Variants in EAF2 observed in about 807,000 individuals in gnomAD.
The protein encoded by EAF2 is ELL-associated factor 2.
EAF2 carries 29 observed loss-of-function variants against 29.4 expected under a neutral mutation model. The ratio of observed to expected loss-of-function variants is 0.99; its 90% CI spans 0.73 to 1.35. The LOEUF is 1.35. Ranked by LOEUF, EAF2 falls within the 40% of genes most tolerant of loss-of-function variation. The pLI, the probability that EAF2 is intolerant of heterozygous loss-of-function variation, is 0.00. For synonymous variants in EAF2, 103 were observed against 102.5 expected (o/e 1.00, Z -0.03); for missense variants, 292 against 312.0 (o/e 0.94, Z 0.48).
chr3:121,873,563 C>T (rs1709052345), intron 5 of EAF2, among the ~76,000 whole-genome samples: 1 of 151,870 alleles, frequency 6.6e-6, no homozygotes, highest in South Asian at 2.1e-4. Flanking sequence ...ATTATGTACA[C>T]TGTAGCCATA....
intron 4 of EAF2, 50 bp from the exon 5 acceptor site, chr3:121,872,487 A>G (rs1403730977): frequency 7.4e-7 from 1 of 1,357,450 alleles, no homozygotes; most frequent in East Asian, 2.4e-5. Flanking sequence ...TATTATATTT[A>G]TTTAGCATTT....
intron 3 of EAF2, among the ~76,000 whole-genome samples, chr3:121,856,579 T>C (rs941671654): frequency 6.6e-6 from 1 of 152,184 alleles, no homozygotes; most frequent in Admixed American, 6.5e-5. Context: ...ACTCCTGGGC[T>C]CAAATGATCC....
intron 1 of EAF2, among the ~76,000 whole-genome samples, chr3:121,838,293 T>C (rs1229026045): frequency 6.6e-6 from 1 of 152,170 alleles, no homozygotes; most frequent in East Asian, 1.9e-4. Flanking sequence ...GTGGTAGGGT[T>C]TCCAAACCAA....
intron 2 of EAF2, among the ~76,000 whole-genome samples, chr3:121,845,849 C>T (rs765100803): frequency 1.1e-4 from 17 of 152,158 alleles, no homozygotes; most frequent in Admixed American, 3.3e-4. Flanking sequence ...ATCCAAGTAA[C>T]GGTACCAAAT....
chr3:121,871,427 A>G (rs1333550349), intron 4 of EAF2, among the ~76,000 whole-genome samples: 2 of 152,024 alleles, frequency 1.3e-5, no homozygotes, highest in African/African-American at 4.8e-5. Flanking sequence ...CTATATATTG[A>G]TCTCAGTGGT....
intron 3 of EAF2, 35 bp downstream of exon 3, chr3:121,854,858 CAT>C: frequency 6.8e-7 from 1 of 1,474,720 alleles, no homozygotes; most frequent in East Asian, 2.7e-5. Flanking sequence ...ATATTATAAA[CAT>C]AAATTTCTAA....
At chr3:121,841,412 G>A (rs1335188534) in intron 1 of EAF2, among the ~76,000 whole-genome samples, 1 of 150,526 alleles carries the variant, frequency 6.6e-6, no homozygotes, top group East Asian at 2.0e-4. Context: ...GGCTGAGGCG[G>A]GAGAATCACT....
rs555868002 is a variant in EAF2, at chr3:121,873,571, A to G, written c.736+783A>G. ...TTGATCCATTATGTACACTGTAGCC[A>G]TATTGATTTTTTTCACAATTCTAAT... On this transcript the variant is annotated intron_variant, in intron 5 of 5. Coordinates refer to ENST00000273668, the MANE Select transcript of EAF2 (RefSeq NM_018456.6). Among the ~76,000 whole-genome samples, 3 of 151,936 alleles carry G rather than the reference A, an allele frequency of 2.0e-5. No homozygotes were observed. In the East Asian group the frequency reaches 5.8e-4, roughly 29 times the overall value.
At chr3:121,849,211 A>G (rs1016045907) in intron 2 of EAF2, among the ~76,000 whole-genome samples, 1 of 152,200 alleles carries the variant, frequency 6.6e-6, no homozygotes, top group Admixed American at 6.5e-5. Flanking sequence ...TTAGAGTCAG[A>G]CCATAAAATA....
intron 4 of EAF2, among the ~76,000 whole-genome samples, chr3:121,867,789 T>G (rs925627628): frequency 6.6e-6 from 1 of 152,190 alleles, no homozygotes; most frequent in Non-Finnish European, 1.5e-5. Flanking sequence ...ATGTGATGAC[T>G]GAAACAAAAA....
At chr3:121,844,176 G>A (rs1481504351) in intron 1 of EAF2, among the ~76,000 whole-genome samples, 1 of 137,236 alleles carries the variant, frequency 7.3e-6, no homozygotes, top group Non-Finnish European at 1.6e-5. Context: ...AGTAGAACAT[G>A]TTAGTCAGGT....
At chr3:121,853,463 G>A (rs1488182064) in intron 2 of EAF2, among the ~76,000 whole-genome samples, 1 of 152,072 alleles carries the variant, frequency 6.6e-6, no homozygotes, top group African/African-American at 2.4e-5. Flanking sequence ...GTGTTGCCCA[G>A]GTTGGAGTGC....
intron 5 of EAF2, among the ~76,000 whole-genome samples, chr3:121,880,258 C>T (rs1317303862): frequency 1.3e-5 from 2 of 151,972 alleles, no homozygotes; most frequent in Non-Finnish European, 2.9e-5. Context: ...TCTTCCCTCC[C>T]CAGGCTCCCA....
chr3:121,846,484 T>C (rs1035366106), intron 2 of EAF2, among the ~76,000 whole-genome samples: 3 of 152,204 alleles, frequency 2.0e-5, no homozygotes, highest in African/African-American at 4.8e-5. Flanking sequence ...CTTTGCTTTA[T>C]GATGTTTATT....
intron 4 of EAF2, among the ~76,000 whole-genome samples, chr3:121,868,630 A>G (rs943479004): frequency 6.6e-6 from 1 of 152,120 alleles, no homozygotes; most frequent in South Asian, 2.1e-4. Flanking sequence ...TACTACAAAG[A>G]GGTACATTAA....
intron 1 of EAF2, chr3:121,836,693 C>T (rs2107486422): frequency 1.0e-6 from 1 of 987,824 alleles, no homozygotes; most frequent in Non-Finnish European, 1.2e-6. Flanking sequence ...GTTTCTCTCT[C>T]TTCAGTCCCA....
rs116816814 is a variant in EAF2 at position 121,844,365 on chromosome 3, A to C, written c.107-88A>C. On this transcript the variant is annotated intron_variant, in intron 1 of 5. Coordinates refer to ENST00000273668, the MANE Select transcript of EAF2 (RefSeq NM_018456.6). ...ATTTTAATTACAAAGCTCTTGAAAA[A>C]TGATTTATCATTCTGAAACATGCTC... 2,240 of 817,856 alleles carry C rather than the reference A, an allele frequency of 2.7e-3. 31 individuals are homozygous for C. The African/African-American group carries it at 0.035, about 13-fold the overall frequency. The allele number at this position is 817,856 out of a possible 1,614,324, so 50.7% of individuals were successfully genotyped here.
At chr3:121,886,253 G>A (rs985834872) in intron 5 of EAF2, 89 bp from the exon 6 acceptor site, 55 of 746,670 alleles carry the variant, frequency 7.4e-5, no homozygotes, top group Non-Finnish European at 1.0e-4. Context: ...ATCACGCTTG[G>A]GGGCTATATT....
Position 121,882,947 on chromosome 3 carries a change from C to A in EAF2, c.737-3395C>A, listed in dbSNP as rs113083923. ...CCTTTTGTAACAGATATTTTTAATT[C>A]TCCTTTACTATTTTGAAATGAATTT... On this transcript the variant is annotated intron_variant, in intron 5 of 5. Coordinates refer to ENST00000273668, the MANE Select transcript of EAF2 (RefSeq NM_018456.6). Among the ~76,000 whole-genome samples the A allele has an allele frequency of 2.4e-3, 372 of 152,012 alleles. 3 individuals are homozygous for A. Among genetic ancestry groups the A allele is most frequent in the South Asian group, 5.8e-3 (28 of 4,824 alleles).
Sources: gnomAD v4.1 joint callset for allele counts (sites outside exome capture counted in the v4.1 genomes callset) on GRCh38, gnomAD v4.1.1 for gene constraint, MANE v1.5 for transcripts, NCBI Gene and HGNC (gene_info 2026-07-23, HGNC 2026-07-21) for gene names.